Variants in FSD2 observed in about 807,000 individuals in gnomAD.
FSD2 encodes fibronectin type III and SPRY domain containing 2.
FSD2 carries 71 observed loss-of-function variants against 80.4 expected under a neutral mutation model. The ratio of observed to expected loss-of-function variants is 0.88; its 90% CI spans 0.73 to 1.08. The LOEUF is 1.08. FSD2 is among the 50% of genes least tolerant of loss of function. FSD2 has a pLI of 0.00. For synonymous variants in FSD2, 361 were observed against 329.5 expected (o/e 1.10, Z -1.03); for missense variants, 923 against 913.8 (o/e 1.01, Z -0.13).
In FSD2 at chr15:82,756,087, T is replaced by C; in HGVS notation, c.*3261A>G. 2.2e-6 allele frequency: 1 copy of C among 462,128 alleles called. No individual in the cohort carries two copies. Among genetic ancestry groups the C allele is most frequent in the South Asian group, 1.6e-5 (1 of 62,006 alleles). 28.6% of individuals were successfully genotyped at this position (462,128 alleles called of 1,614,324 possible). A position where few individuals can be genotyped will look rare whatever the true frequency, so the allele number is the denominator to read the frequency against. ...ACCAACAGCAATTACACGCTTTCCA[T>C]TGTCTTCCTATAGAAAATAGGAGTA... On this transcript the variant is annotated 3_prime_UTR_variant, in exon 13 of 13. Coordinates refer to ENST00000334574, the MANE Select transcript of FSD2 (RefSeq NM_001007122.4).
At chr15:82,785,130 C>G (rs531429043) in intron 3 of FSD2, among the ~76,000 whole-genome samples, 29 of 152,194 alleles carry the variant, frequency 1.9e-4, no homozygotes, top group African/African-American at 7.0e-4. Context: ...ACCACACCTT[C>G]TATCTCAGTC....
intron 5 of FSD2, among the ~76,000 whole-genome samples, 176 bp from the exon 6 acceptor site, chr15:82,779,063 T>G (rs1298919396): frequency 6.6e-6 from 1 of 152,116 alleles, no homozygotes; most frequent in Non-Finnish European, 1.5e-5. Flanking sequence ...CTAGGGGTCA[T>G]CAATGGGGAT....
intron 3 of FSD2, among the ~76,000 whole-genome samples, chr15:82,785,324 T>A (rs973271217): frequency 5.2e-5 from 6 of 115,022 alleles, no homozygotes; most frequent in Non-Finnish European, 1.2e-4. Context: ...TATTTATTTA[T>A]TTATTTATTT....
chr15:82,791,094 G>A (rs1373091631), intron 1 of FSD2, among the ~76,000 whole-genome samples: 15 of 151,302 alleles, frequency 9.9e-5, no homozygotes. Context: ...CGCCTCCCGA[G>A]TTCACGCCAT....
chr15:82,798,878 G>GTTTTTT (rs755092933), intron 1 of FSD2, among the ~76,000 whole-genome samples: 1 of 135,814 alleles, frequency 7.4e-6, no homozygotes. Flanking sequence ...CCACTGTTTT[G>GTTTTTT]TTTTTTTTTT....
intron 3 of FSD2, among the ~76,000 whole-genome samples, chr15:82,784,249 TA>T (rs2049942610): frequency 6.6e-6 from 1 of 150,964 alleles, no homozygotes; most frequent in Admixed American, 6.7e-5. Flanking sequence ...TATTTTATTT[TA>T]TTTTATTTTT....
chr15:82,764,492 CT>C (rs60095355), intron 11 of FSD2, among the ~76,000 whole-genome samples: 1,226 of 86,092 alleles, frequency 0.014, 12 homozygotes, highest in Non-Finnish European at 0.02. Flanking sequence ...TCTTTACTTG[CT>C]TTTTTTTTTT....
intron 1 of FSD2, among the ~76,000 whole-genome samples, chr15:82,794,659 T>C (rs2050219233): frequency 6.6e-6 from 1 of 152,170 alleles, no homozygotes; most frequent in Admixed American, 6.5e-5. Flanking sequence ...TGACATATTT[T>C]GGTATTCTGT....
chr15:82,759,765 A>T (rs2049247279), intron 12 of FSD2, among the ~76,000 whole-genome samples, 165 bp from the exon 13 acceptor site: 1 of 151,204 alleles, frequency 6.6e-6, no homozygotes. Flanking sequence ...TCTCTAAACT[A>T]TCTCTTTTCT....
In FSD2 at chr15:82,787,190, A is replaced by G. The variant is rs1469461099; in HGVS notation, c.201T>C (p.Leu67=). ...GGACAAGTTCATCCACTTCCTCTTG[A>G]AGGTCTCTTTGAGCCTTACCATCCC... ...GAGDGKAQRD[L]QEEVDELVHL... is the part of the protein sequence containing the mutation. The change falls in exon 2 of 13, where the codon CTT becomes CTC. Residue 67 remains leucine, a synonymous_variant. Coordinates refer to ENST00000334574, the MANE Select transcript of FSD2 (RefSeq NM_001007122.4). 1.2e-6 allele frequency: 2 copies of G among 1,613,958 alleles called. No homozygotes were observed. Among genetic ancestry groups the G allele is most frequent in the Non-Finnish European group, 1.7e-6 (2 of 1,179,874 alleles).
intron 1 of FSD2, among the ~76,000 whole-genome samples, chr15:82,805,308 G>A (rs914716993): frequency 3.3e-5 from 5 of 152,024 alleles, no homozygotes; most frequent in African/African-American, 1.2e-4. Context: ...TCTCTTCCCA[G>A]AAGTGATTCC....
At chr15:82,790,063 C>T (rs980282436) in intron 1 of FSD2, among the ~76,000 whole-genome samples, 12 of 152,128 alleles carry the variant, frequency 7.9e-5, no homozygotes, top group African/African-American at 2.9e-4. Context: ...GTAATCCCAG[C>T]TACTCAGGAG....
chr15:82,765,427 G>C (rs552126492), intron 10 of FSD2, 129 bp from the exon 11 acceptor site: 1 of 1,181,362 alleles, frequency 8.5e-7, no homozygotes, highest in South Asian at 1.5e-5. Context: ...TAGGCGTCCA[G>C]TTAACAAGGA....
intron 3 of FSD2, among the ~76,000 whole-genome samples, chr15:82,784,984 G>A (rs2049960701): frequency 6.6e-6 from 1 of 152,128 alleles, no homozygotes; most frequent in African/African-American, 2.4e-5. Flanking sequence ...TATCAGCTGA[G>A]GAAAAGAACA....
chr15:82,786,780 G>C lies in FSD2; in HGVS notation c.611C>G (p.Pro204Arg). 6.2e-7 allele frequency: 1 copy of C among 1,613,840 alleles called. No individual in the cohort carries two copies. The change falls in exon 2 of 13, where the codon CCA becomes CGA. Residue 204 changes from proline to arginine, a missense_variant. Transcript: ENST00000334574. ...FDEHKEHEVI[P>R]LNEALESAKD... Reference sequence around the variant, plus strand: ...GGCACTTTCCAGTGCTTCATTGAGTGGGATCACTTCATGCTCCTTATGTTC... The same window carrying C: ...GGCACTTTCCAGTGCTTCATTGAGTCGGATCACTTCATGCTCCTTATGTTC...
At position 82,786,895 on chromosome 15, in the gene FSD2, T is replaced by A. The variant is rs775672968; in HGVS notation, c.496A>T (p.Ile166Phe). 2 of 1,613,990 alleles carry A rather than the reference T, an allele frequency of 1.2e-6. No homozygotes were observed. The highest frequency in any genetic ancestry group is 4.5e-5 in the East Asian group (2 of 44,882). ...RASEEYECYV[I>F]PEEEDEEEAA... Reference sequence around the variant, plus strand: ...TCTTCTTCATCCTCTTCCTCGGGGATGACATAGCATTCATACTCCTCGCTG... The same window carrying A: ...TCTTCTTCATCCTCTTCCTCGGGGAAGACATAGCATTCATACTCCTCGCTG... The change falls in exon 2 of 13, where the codon ATC becomes TTC. Residue 166 changes from isoleucine (I) to phenylalanine (F), a missense_variant. Coordinates refer to ENST00000334574, the MANE Select transcript of FSD2 (RefSeq NM_001007122.4).
chr15:82,765,072 G>A lies in FSD2; in HGVS notation c.1820+94C>T, dbSNP rs553795957. 58 of 1,388,558 alleles carry A rather than the reference G, an allele frequency of 4.2e-5. No homozygotes were observed. In the African/African-American group the frequency reaches 7.6e-4, roughly 18 times the overall value. 86.0% of individuals were successfully genotyped at this position (1,388,558 alleles called of 1,614,324 possible). A position where few individuals can be genotyped will look rare whatever the true frequency, so the allele number is the denominator to read the frequency against. On this transcript the variant is annotated intron_variant, in intron 11 of 12. Transcript: ENST00000334574. ...TCATTTGTAGGATTCCTTTTCCCTC[G>A]AGGCTGCCTCCGTGCCATATTCGGA... is the stretch of plus-strand genomic sequence containing the variant.
intron 1 of FSD2, 88 bp from the exon 2 acceptor site, chr15:82,787,556 T>C: frequency 1.7e-6 from 1 of 587,610 alleles, no homozygotes; most frequent in Non-Finnish European, 2.8e-6. Context: ...CATATAAAAC[T>C]TTAAAAAAAT....
At chr15:82,773,355 C>T (rs1258379653) in intron 6 of FSD2, among the ~76,000 whole-genome samples, 1 of 152,140 alleles carries the variant, frequency 6.6e-6, no homozygotes, top group African/African-American at 2.4e-5. Flanking sequence ...TAACTTATAT[C>T]CCCAGTGACA....
Sources: allele counts gnomAD v4.1 joint callset (sites outside exome capture counted in the v4.1 genomes callset), GRCh38; gene constraint gnomAD v4.1.1; transcripts MANE v1.5; gene names NCBI Gene and HGNC (gene_info 2026-07-23, HGNC 2026-07-21).